The following ATP7A variants were observed in gnomAD, a reference collection of about 807,000 sequenced individuals.
The protein encoded by ATP7A is ATPase copper transporting alpha, also known as copper-transporting ATPase 1.
A neutral mutation model predicts 83.5 loss-of-function variants in ATP7A; 7 were observed. That is an observed-to-expected ratio of 0.08 (90% CI 0.05 to 0.16). The LOEUF (loss-of-function observed/expected upper bound fraction) is 0.16. Ranked by LOEUF, ATP7A falls within the 10% of genes least tolerant of loss-of-function variation. The pLI is 1.00. For synonymous variants in ATP7A, 354 were observed against 395.2 expected (o/e 0.90, Z 1.24); for missense variants, 940 against 1,120.8 (o/e 0.84, Z 2.30).
intron 6 of ATP7A, among the ~76,000 whole-genome samples, chrX:78,006,099 T>C (rs1331123432): frequency 8.9e-6 from 1 of 112,169 alleles, no homozygotes; most frequent in African/African-American, 3.2e-5. Context: ...TTTTCACTTA[T>C]TGGATTGGTA....
intron 2 of ATP7A, chrX:77,974,930 A>G (rs2149075619): frequency 3.8e-6 from 1 of 262,694 alleles, no homozygotes; most frequent in East Asian, 5.4e-5. Context: ...CACATTGTGC[A>G]GGTTAGTTAC....
intron 5 of ATP7A, among the ~76,000 whole-genome samples, chrX:78,002,796 T>G (rs1460955259): frequency 1.2e-5 from 1 of 80,066 alleles, no homozygotes; most frequent in Non-Finnish European, 2.3e-5. Context: ...TATTATGTTC[T>G]TATACACACA....
At chrX:77,937,889 A>T (rs782648409) in intron 1 of ATP7A, among the ~76,000 whole-genome samples, 1,784 of 101,799 alleles carry the variant, frequency 0.018, 48 homozygotes, top group African/African-American at 0.059. Context: ...TCTCTCTCTC[A>T]CACACACACA....
Position 77,989,737 on chromosome X carries a change from G to A in ATP7A, c.1115G>A (p.Ser372Asn), listed in dbSNP as rs782670221. 1.7e-6 allele frequency: 2 copies of A among 1,211,263 alleles called. No individual in the cohort carries two copies. The highest frequency in any genetic ancestry group is 4.4e-5 in the Admixed American group (2 of 45,951). ...CAGAAGATTCCTTTGAATGTAGTTA[G>A]CCAGCCTCTGACACAAGAAACTGTG... ...SLQKIPLNVV[S>N]QPLTQETVIN... The change falls in exon 4 of 23, where the codon AGC becomes AAC. Residue 372 changes from serine (S) to asparagine (N), a missense_variant. Around this residue, in one of 3 missense-constraint regions of ATP7A, gnomAD observed 350 missense variants for 432.8 expected, o/e 0.81. Transcript: ENST00000341514.
chrX:77,948,100 TATTC>T (rs56093900), intron 1 of ATP7A, among the ~76,000 whole-genome samples: 20,853 of 89,122 alleles, frequency 0.23, 2,007 homozygotes, highest in Middle Eastern at 0.33. Context: ...TTTATTTATT[TATTC>T]ATTCATTCAT....
At chrX:77,982,646 TCATAGG>T (rs1448512100) in intron 2 of ATP7A, among the ~76,000 whole-genome samples, 1 of 112,653 alleles carries the variant, frequency 8.9e-6, no homozygotes, top group Non-Finnish European at 1.9e-5. Flanking sequence ...ATTGCTCAAA[TCATAGG>T]CATAGAATTT....
chrX:78,016,878 T>C (rs1397645994), intron 12 of ATP7A, among the ~76,000 whole-genome samples: 1 of 112,111 alleles, frequency 8.9e-6, no homozygotes, highest in Non-Finnish European at 1.9e-5. Flanking sequence ...TGTCTGTGGC[T>C]TTTCTAGGTA....
intron 1 of ATP7A, among the ~76,000 whole-genome samples, chrX:77,919,934 C>G (rs111613712): frequency 8.9e-6 from 1 of 111,975 alleles, no homozygotes; most frequent in African/African-American, 3.3e-5. Context: ...TCTCATTCTG[C>G]CTTCTCTCAC....
chrX:77,915,728 AT>A (rs1283346810), intron 1 of ATP7A, among the ~76,000 whole-genome samples: 1 of 111,294 alleles, frequency 9.0e-6, no homozygotes, highest in African/African-American at 3.3e-5. Context: ...CTTTAAAAAA[AT>A]TTTTTTTGGA....
intron 15 of ATP7A, among the ~76,000 whole-genome samples, chrX:78,030,072 A>C (rs914363167): frequency 8.9e-6 from 1 of 112,330 alleles, no homozygotes. Flanking sequence ...ACCTCGCCAG[A>C]GAATACAGGC....
intron 1 of ATP7A, among the ~76,000 whole-genome samples, chrX:77,958,284 C>A (rs2077456252): frequency 9.0e-6 from 1 of 111,243 alleles, no homozygotes; most frequent in African/African-American, 3.3e-5. Flanking sequence ...ATAGCCTGTA[C>A]AACCATGAGC....
intron 9 of ATP7A, 44 bp from the exon 10 acceptor site, chrX:78,012,835 T>G: frequency 9.3e-7 from 1 of 1,075,386 alleles, no homozygotes; most frequent in Non-Finnish European, 1.3e-6. Context: ...TATGTGAATT[T>G]CAGCATTTTT....
chrX:78,029,537 G>C (rs2077969624), intron 15 of ATP7A, 93 bp downstream of exon 15: 2 of 920,532 alleles, frequency 2.2e-6, no homozygotes, highest in Non-Finnish European at 1.5e-6. Context: ...TTATTTCTCT[G>C]TGGTCCATGA....
intron 12 of ATP7A, 108 bp from the exon 13 acceptor site, chrX:78,020,136 T>A (rs2077895099): frequency 1.0e-6 from 1 of 961,543 alleles, no homozygotes; most frequent in Non-Finnish European, 1.5e-6. Flanking sequence ...TAGGCATTTG[T>A]TCAGATTCTA....
chrX:77,937,060 G>A (rs1162158228), intron 1 of ATP7A, among the ~76,000 whole-genome samples: 1 of 112,717 alleles, frequency 8.9e-6, no homozygotes, highest in Non-Finnish European at 1.9e-5. Context: ...TCACCTAGAA[G>A]ATATGAAAAT....
intron 6 of ATP7A, among the ~76,000 whole-genome samples, chrX:78,005,703 A>AAAAG (rs2077770365): frequency 2.8e-5 from 3 of 105,780 alleles, no homozygotes; most frequent in East Asian, 5.8e-4. Flanking sequence ...AAAAAAAAAA[A>AAAAG]AAAGAAAAAA....
chrX:77,956,256 A>G (rs1307959850), intron 1 of ATP7A, among the ~76,000 whole-genome samples: 1 of 111,714 alleles, frequency 9.0e-6, no homozygotes, highest in African/African-American at 3.3e-5. Flanking sequence ...TTACAATCCC[A>G]CCAACTGTGT....
intron 1 of ATP7A, among the ~76,000 whole-genome samples, chrX:77,917,075 C>T (rs183523735): frequency 2.1e-3 from 237 of 111,741 alleles, no homozygotes; most frequent in African/African-American, 7.5e-3. Flanking sequence ...GGTCCTGTTT[C>T]TGTGGAGTTT....
chrX:78,005,652 C>T (rs1375809928), intron 6 of ATP7A, among the ~76,000 whole-genome samples: 4 of 75,844 alleles, frequency 5.3e-5, no homozygotes, highest in Non-Finnish European at 9.1e-5. Context: ...CATTGCACTC[C>T]AACCTGGGCA....
Sources: allele counts gnomAD v4.1 joint callset (sites outside exome capture counted in the v4.1 genomes callset), GRCh38; gene constraint gnomAD v4.1.1; regional missense constraint gnomAD v4.1.1; transcripts MANE v1.5; gene names NCBI Gene and HGNC (gene_info 2026-07-23, HGNC 2026-07-21).